MOXD1: variants seen among roughly 807,000 people sequenced by gnomAD.
The protein encoded by MOXD1 is monooxygenase DBH like 1, also known as DBH-like monooxygenase protein 1.
MOXD1 carries 62 observed loss-of-function variants against 66.6 expected under a neutral mutation model. The observed-to-expected ratio is 0.93, with a 90% CI of 0.76 to 1.15. The LOEUF is 1.15. MOXD1 is among the 50% of genes most tolerant of loss of function. MOXD1 has a pLI of 0.00. For missense variants in MOXD1, 847 were observed against 754.6 expected (o/e 1.12, Z -1.44); for synonymous variants, 303 against 281.9 (o/e 1.07, Z -0.75).
intron 9 of MOXD1, among the ~76,000 whole-genome samples, chr6:132,317,893 T>C (rs1774993226): frequency 6.6e-6 from 1 of 152,078 alleles, no homozygotes; most frequent in Non-Finnish European, 1.5e-5. Flanking sequence ...TTGAAGTATG[T>C]ATCCCTAAAC....
chr6:132,397,636 C>CAGAAAGAAAGAA lies in MOXD1; in HGVS notation c.264+3515_264+3526dup, dbSNP rs71759740. Among the ~76,000 whole-genome samples, 218 of 122,386 alleles carry CAGAAAGAAAGAA rather than the reference C, an allele frequency of 1.8e-3. 2 individuals carry two copies. The highest frequency in any genetic ancestry group is 3.8e-3 in the Middle Eastern group (1 of 264). The allele number at this position is 122,386 out of a possible 152,430, so 80.3% of individuals were successfully genotyped here. A position where few individuals can be genotyped will look rare whatever the true frequency, so the allele number is the denominator to read the frequency against. ...ACAGAGAGAGAGAGAGAGAGAGAGA[C>CAGAAAGAAAGAA]AGAAAGAAAGAAAGAAAGAAAGAAA... On this transcript the variant is annotated intron_variant, in intron 1 of 11. Coordinates refer to ENST00000367963, the MANE Select transcript of MOXD1 (RefSeq NM_015529.4).
intron 4 of MOXD1, among the ~76,000 whole-genome samples, chr6:132,329,167 A>G (rs1053086919): frequency 3.9e-5 from 6 of 152,068 alleles, no homozygotes; most frequent in African/African-American, 1.4e-4. Context: ...CCCTGTGTCC[A>G]AGTGTTCTCA....
At chr6:132,321,186 C>T (rs1000361805) in intron 8 of MOXD1, among the ~76,000 whole-genome samples, 15 of 151,992 alleles carry the variant, frequency 9.9e-5, no homozygotes, top group African/African-American at 3.6e-4. Flanking sequence ...ATTGCTTGAA[C>T]CCAGGAGGTG....
chr6:132,401,328 C>A lies in MOXD1; in HGVS notation c.99G>T (p.Ser33=). 6.3e-7 allele frequency: 1 copy of A among 1,588,290 alleles called. No individual in the cohort carries two copies. Among genetic ancestry groups the A allele is most frequent in the Non-Finnish European group, 8.5e-7 (1 of 1,172,230 alleles). ...RTYPHRTLLD[S]EGKYWLGWSQ... is the part of the protein sequence containing the mutation. ...TCCAGCCCAGCCAGTACTTGCCCTCCGAGTCCAGGAGGGTCCGGTGCGGAT... is the reference window on the plus strand; with the variant it reads ...TCCAGCCCAGCCAGTACTTGCCCTCAGAGTCCAGGAGGGTCCGGTGCGGAT... The change falls in exon 1 of 12, where the codon TCG becomes TCT. Residue 33 remains serine (S), a synonymous_variant. Transcript: ENST00000367963.
chr6:132,297,229 A>G lies in MOXD1; in HGVS notation c.1766T>C (p.Leu589Pro), dbSNP rs774378517. 4 of 1,613,692 alleles carry G rather than the reference A, an allele frequency of 2.5e-6. No homozygotes were observed. The highest frequency in any genetic ancestry group is 2.5e-6 in the Non-Finnish European group (3 of 1,179,704). The part of the protein sequence containing the change: ...LVCGTSSSSS[L>P]HRDFSINLLV... ...CAAGTTGATGGAGAAATCTCTGTGC[A>G]GGGAAGAGGAAGAAGACGTGCCACA... Residue 589 changes from leucine to proline, a missense_variant, in exon 12 of 12, where the codon CTG becomes CCG. Coordinates refer to ENST00000367963, the MANE Select transcript of MOXD1 (RefSeq NM_015529.4).
chr6:132,341,702 G>A (rs995085678), intron 4 of MOXD1, among the ~76,000 whole-genome samples: 2 of 152,094 alleles, frequency 1.3e-5, no homozygotes, highest in South Asian at 2.1e-4. Flanking sequence ...TTACACTTAC[G>A]ATTTCATTCG....
At chr6:132,394,794 GA>G (rs1308991653) in intron 1 of MOXD1, among the ~76,000 whole-genome samples, 3 of 152,106 alleles carry the variant, frequency 2.0e-5, no homozygotes, top group African/African-American at 7.2e-5. Flanking sequence ...AAAAAAGAAT[GA>G]GCAAAGCCTA....
chr6:132,389,802 C>T (rs918621285), intron 1 of MOXD1, among the ~76,000 whole-genome samples: 3 of 151,398 alleles, frequency 2.0e-5, no homozygotes, highest in Non-Finnish European at 4.4e-5. Flanking sequence ...CTAGTGTCTA[C>T]CTGGTTACAT....
At chr6:132,317,651 A>G (rs904333973) in intron 9 of MOXD1, among the ~76,000 whole-genome samples, 3 of 152,122 alleles carry the variant, frequency 2.0e-5, no homozygotes, top group African/African-American at 7.2e-5. Context: ...AAGACAGTGC[A>G]CCAAAATACC....
chr6:132,299,210 T>G (rs1452857577), intron 10 of MOXD1, among the ~76,000 whole-genome samples: 1 of 152,010 alleles, frequency 6.6e-6, no homozygotes, highest in Non-Finnish European at 1.5e-5. Context: ...CACATATAAG[T>G]GGGATCTAAT....
intron 10 of MOXD1, among the ~76,000 whole-genome samples, chr6:132,314,641 T>C (rs1356623784): frequency 6.6e-6 from 1 of 152,028 alleles, no homozygotes; most frequent in East Asian, 1.9e-4. Flanking sequence ...CACTGGCTCT[T>C]TCCTGTGCAG....
At position 132,297,227 on chromosome 6, in the gene MOXD1, G is replaced by T; in HGVS notation, c.1768C>A (p.His590Asn). 3 of 1,613,670 alleles carry T rather than the reference G, an allele frequency of 1.9e-6. No homozygotes were observed. The highest frequency in any genetic ancestry group is 1.7e-6 in the Non-Finnish European group (2 of 1,179,692). ...AGCAAGTTGATGGAGAAATCTCTGT[G>T]CAGGGAAGAGGAAGAAGACGTGCCA... ...VCGTSSSSSL[H>N]RDFSINLLVC... The change falls in exon 12 of 12, where the codon CAC becomes AAC. Residue 590 changes from histidine to asparagine, a missense_variant. Coordinates refer to ENST00000367963, the MANE Select transcript of MOXD1 (RefSeq NM_015529.4).
intron 4 of MOXD1, among the ~76,000 whole-genome samples, chr6:132,362,965 T>A: frequency 6.6e-6 from 1 of 152,208 alleles, no homozygotes. Context: ...CCATTGTTAA[T>A]GAGCATTTGT....
At chr6:132,359,733 G>A (rs1468709284) in intron 4 of MOXD1, among the ~76,000 whole-genome samples, 3 of 152,026 alleles carry the variant, frequency 2.0e-5, no homozygotes, top group Non-Finnish European at 4.4e-5. Flanking sequence ...TAATCCGCCC[G>A]CCTCTGCCTC....
chr6:132,343,594 A>G (rs1341224599), intron 4 of MOXD1, among the ~76,000 whole-genome samples: 1 of 151,918 alleles, frequency 6.6e-6, no homozygotes, highest in Non-Finnish European at 1.5e-5. Flanking sequence ...AAGTCCATGG[A>G]AAAGAGATCC....
chr6:132,379,597 T>A (rs1370758394), intron 1 of MOXD1, among the ~76,000 whole-genome samples: 3 of 152,236 alleles, frequency 2.0e-5, no homozygotes, highest in Non-Finnish European at 4.4e-5. Flanking sequence ...AAATTATATT[T>A]CTGTCTTCAT....
intron 4 of MOXD1, among the ~76,000 whole-genome samples, chr6:132,348,506 A>G (rs905322487): frequency 2.0e-5 from 3 of 152,208 alleles, no homozygotes; most frequent in Non-Finnish European, 4.4e-5. Context: ...ACTTGTCAAC[A>G]TCTCCTTTAA....
At chr6:132,339,936 C>T (rs987080410) in intron 4 of MOXD1, among the ~76,000 whole-genome samples, 14 of 145,642 alleles carry the variant, frequency 9.6e-5, no homozygotes, top group Admixed American at 9.0e-4. Flanking sequence ...GTGGTATGAT[C>T]TCAGCTCACT....
chr6:132,365,039 C>T (rs1449918770), intron 4 of MOXD1, among the ~76,000 whole-genome samples: 1 of 152,108 alleles, frequency 6.6e-6, no homozygotes, highest in Non-Finnish European at 1.5e-5. Context: ...GTGTTTAGAA[C>T]CAGCTGTTCC....
Sources: gnomAD v4.1 joint callset for allele counts (sites outside exome capture counted in the v4.1 genomes callset) on GRCh38, gnomAD v4.1.1 for gene constraint, MANE v1.5 for transcripts, NCBI Gene and HGNC (gene_info 2026-07-23, HGNC 2026-07-21) for gene names.